The following SRCIN1 variants were observed in gnomAD, a reference collection of about 807,000 sequenced individuals.
SRCIN1 encodes SRC kinase signaling inhibitor 1.
In SRCIN1, 50 loss-of-function variants were observed where a neutral mutation model predicts 116.2. That is an observed-to-expected ratio of 0.43 (90% CI 0.34 to 0.54). The LOEUF (loss-of-function observed/expected upper bound fraction) is 0.54. Ranked by LOEUF, SRCIN1 falls within the 20% of genes least tolerant of loss-of-function variation. SRCIN1 has a pLI of 0.02. For synonymous variants in SRCIN1, 736 were observed against 750.0 expected, an observed-to-expected ratio of 0.98 and a Z score of 0.30; for missense variants, 1,446 against 1,672.0, an observed-to-expected ratio of 0.86 and a Z score of 2.36.
chr17:38,549,011 T>C (rs1319079582), intron 16 of SRCIN1, 45 bp downstream of exon 16: 1 of 1,607,258 alleles, frequency 6.2e-7, no homozygotes, highest in Non-Finnish European at 8.5e-7. Context: ...TGAGGCTTCA[T>C]CCTAACTCAG....
upstream of SRCIN1, chr17:38,606,003 G>T (rs1368523623): frequency 1.4e-5 from 2 of 142,330 alleles, no homozygotes; most frequent in Admixed American, 6.9e-5. The surrounding 1 kb of genome is among the most constrained non-coding windows in gnomAD (Gnocchi z 5.2). Flanking sequence ...GCGCGCGCGC[G>T]GCGCGGGCGC....
chr17:38,585,849 G>A lies in SRCIN1; in HGVS notation c.23-7058C>T, dbSNP rs1212125625. On this transcript the variant is annotated intron_variant, in intron 1 of 18. Transcript: ENST00000617146. The surrounding 1 kb of genome is among the most constrained non-coding windows in gnomAD (Gnocchi z 4.2). ...TGAGGGCGTGTGATGGGGGAAGGGC[G>A]ATGGGGGGAAGGAGGCAGCTGGACT... is the stretch of plus-strand genomic sequence containing the variant. 2.0e-5 allele frequency among the ~76,000 whole-genome samples: 3 copies of A among 152,142 alleles called. No individual in the cohort carries two copies. Among genetic ancestry groups the A allele is most frequent in the African/African-American group, 7.2e-5 (3 of 41,440 alleles).
At position 38,563,804 on chromosome 17, in the gene SRCIN1, G is replaced by T. The variant is rs967968918; in HGVS notation, c.542-283C>A. 6.6e-5 allele frequency: 43 copies of T among 646,846 alleles called. No individual in the cohort carries two copies. In the African/African-American group the frequency reaches 7.0e-4, roughly 10 times the overall value. The allele number at this position is 646,846 out of a possible 1,614,324, so 40.1% of individuals were successfully genotyped here. A position where few individuals can be genotyped will look rare whatever the true frequency, so the allele number is the denominator to read the frequency against. The stretch of plus-strand genomic sequence containing the variant: ...AGAGCAGGTGGGGCGGAAACTGAGG[G>T]GAAGTGAGCTGAGGGAGAGAGAGGT... On this transcript the variant is annotated intron_variant, in intron 4 of 18. Coordinates refer to ENST00000617146, the MANE Select transcript of SRCIN1 (RefSeq NM_025248.3). This position sits in a 1 kb window ranked among gnomAD's most constrained non-coding sequence, Gnocchi z 5.8.
intron 17 of SRCIN1, 45 bp downstream of exon 17, chr17:38,548,511 AG>A: frequency 1.9e-6 from 3 of 1,600,594 alleles, no homozygotes. Context: ...CTGGGAGGGA[AG>A]GGGGCCTGGC....
chr17:38,534,295 C>T (rs185649668), intron 18 of SRCIN1, among the ~76,000 whole-genome samples: 1 of 152,332 alleles, frequency 6.6e-6, no homozygotes, highest in African/African-American at 2.4e-5. Flanking sequence ...CTCTGGCATG[C>T]ATCGTGAATG....
intron 10 of SRCIN1, chr17:38,559,182 G>C (rs1906023676): frequency 8.3e-6 from 2 of 240,504 alleles, no homozygotes; most frequent in Non-Finnish European, 1.6e-5. Flanking sequence ...GGGAGGAGCT[G>C]AGAGGACTTG....
rs970452999 is a variant in SRCIN1 at position 38,585,996 on chromosome 17, C to G, written c.23-7205G>C. On this transcript the variant is annotated intron_variant, in intron 1 of 18. Coordinates refer to ENST00000617146, the MANE Select transcript of SRCIN1 (RefSeq NM_025248.3). The surrounding 1 kb of genome is among the most constrained non-coding windows in gnomAD (Gnocchi z 4.2). ...CCAGCCCCACCCCCTGAATGTCAGG[C>G]TCCACTTCAGGAGAGTCTGCCTGGA... is the stretch of plus-strand genomic sequence containing the variant. Among the ~76,000 whole-genome samples the G allele has an allele frequency of 1.3e-5, 2 of 152,150 alleles. No individual in the cohort carries two copies. The highest frequency in any genetic ancestry group is 4.8e-5 in the African/African-American group (2 of 41,408).
At chr17:38,578,021 C>T (rs1907520699) in intron 2 of SRCIN1, among the ~76,000 whole-genome samples, 1 of 152,106 alleles carries the variant, frequency 6.6e-6, no homozygotes, top group South Asian at 2.1e-4. Flanking sequence ...GGGGACACAT[C>T]GGACCCAGCC....
At position 38,604,885 on chromosome 17, in the gene SRCIN1, TG is replaced by T. The variant is rs1415365637; in HGVS notation, c.22+798del. On this transcript the variant is annotated intron_variant, in intron 1 of 18. Transcript: ENST00000617146. The surrounding 1 kb of genome is among the most constrained non-coding windows in gnomAD (Gnocchi z 4.3). Reference sequence around the variant, plus strand: ...ACTCACCCTAGATGCCCTCCCCAGCTGGGGGCGCCCTCCCCTGCCCCCTGGC... The same window carrying T: ...ACTCACCCTAGATGCCCTCCCCAGCTGGGGCGCCCTCCCCTGCCCCCTGGC... Among the ~76,000 whole-genome samples the T allele has an allele frequency of 7.1e-6, 1 of 140,538 alleles. No homozygotes were observed. Among genetic ancestry groups the T allele is most frequent in the African/African-American group, 2.7e-5 (1 of 36,888 alleles). The allele number at this position is 140,538 out of a possible 152,430, so 92.2% of individuals were successfully genotyped here.
At position 38,543,929 on chromosome 17, in the gene SRCIN1, G is replaced by A. The variant is rs748117292; in HGVS notation, c.3311C>T (p.Pro1104Leu). 6.9e-6 allele frequency: 11 copies of A among 1,598,108 alleles called. No homozygotes were observed. The highest frequency in any genetic ancestry group is 2.2e-5 in the East Asian group (1 of 44,646). Residue 1104 changes from proline to leucine, a missense_variant, in exon 18 of 19, where the codon CCG becomes CTG. By Grantham distance (98) the Pro-to-Leu change is moderately conservative. Transcript: ENST00000617146. ...GSVPPMKVVT[P>L]GASRLKAAQG... Reference sequence around the variant, plus strand: ...GGCCGCCTTCAGCCGAGAGGCCCCCGGAGTCACCACCTTCATGGGTGGTAC... The same window carrying A: ...GGCCGCCTTCAGCCGAGAGGCCCCCAGAGTCACCACCTTCATGGGTGGTAC...
At chr17:38,576,769 G>A (rs915455540) in intron 2 of SRCIN1, among the ~76,000 whole-genome samples, 23 of 151,192 alleles carry the variant, frequency 1.5e-4, no homozygotes, top group Non-Finnish European at 5.9e-5. Context: ...TGCCTTCTAG[G>A]TCCAGGCAGC....
In SRCIN1 at chr17:38,571,164, C is replaced by T. The variant is rs2429987; in HGVS notation, c.325-2933G>A. Among the ~76,000 whole-genome samples, 10 of 152,036 alleles carry T rather than the reference C, an allele frequency of 6.6e-5. No homozygotes were observed. The East Asian group carries it at 9.7e-4, about 15-fold the overall frequency. On this transcript the variant is annotated intron_variant, in intron 2 of 18. Coordinates refer to ENST00000617146, the MANE Select transcript of SRCIN1 (RefSeq NM_025248.3). The stretch of plus-strand genomic sequence containing the variant: ...GATTTTAACCCATGGGACAGACTAG[C>T]GTGACTGAGAGCAAAGGGCTCCTCT...
rs1465586125 is a variant in SRCIN1, at chr17:38,561,432, C to T, written c.1700+31G>A. The T allele has an allele frequency of 5.4e-6, 8 of 1,479,686 alleles. No homozygotes were observed. In the South Asian group the frequency reaches 9.5e-5, roughly 18 times the overall value. The allele number at this position is 1,479,686 out of a possible 1,614,324, so 91.7% of individuals were successfully genotyped here. ...CTCTCCGCAGCGCACCCCCCACCCC[C>T]AGTCCCTGAGGCCTGGTTAACGTCC... On this transcript the variant is annotated intron_variant, in intron 7 of 18. Transcript: ENST00000617146.
intron 2 of SRCIN1, among the ~76,000 whole-genome samples, chr17:38,575,524 C>T (rs956624055): frequency 2.0e-5 from 3 of 152,218 alleles, no homozygotes; most frequent in African/African-American, 4.8e-5. Flanking sequence ...GCTGGAATTA[C>T]AGGCGTGAGC....
chr17:38,541,266 T>C (rs2144895481), intron 18 of SRCIN1: 1 of 151,316 alleles, frequency 6.6e-6, no homozygotes, highest in Non-Finnish European at 1.5e-5. Context: ...TAAAATAAAA[T>C]AAAATAAAAT....
intron 15 of SRCIN1, among the ~76,000 whole-genome samples, chr17:38,550,234 T>G (rs758563700): frequency 6.6e-6 from 1 of 152,022 alleles, no homozygotes; most frequent in Non-Finnish European, 1.5e-5. Flanking sequence ...GTGGCTCAAG[T>G]CTGTAATCCC....
In SRCIN1 at chr17:38,586,857, C is replaced by T. The variant is rs575498022; in HGVS notation, c.23-8066G>A. Among the ~76,000 whole-genome samples the T allele has an allele frequency of 2.0e-5, 3 of 152,362 alleles. No homozygotes were observed. The South Asian group carries it at 6.2e-4, about 32-fold the overall frequency. On this transcript the variant is annotated intron_variant, in intron 1 of 18. Transcript: ENST00000617146. ...TCAGAATCTAATTAAAGGACCTCTT[C>T]GAGGCTGGGGGAAGGCACTGACACC...
At chr17:38,583,548 G>GTTTT (rs10691272) in intron 1 of SRCIN1, among the ~76,000 whole-genome samples, 69 of 104,230 alleles carry the variant, frequency 6.6e-4, no homozygotes, top group African/African-American at 8.1e-4. Flanking sequence ...TTCATTTTCT[G>GTTTT]TTTTTTTTTT....
In SRCIN1 at chr17:38,562,291, G is replaced by A. The variant is rs1906324546; in HGVS notation, c.872C>T (p.Thr291Met). 3 of 1,478,406 alleles carry A rather than the reference G, an allele frequency of 2.0e-6. No homozygotes were observed. Among genetic ancestry groups the A allele is most frequent in the Non-Finnish European group, 1.8e-6 (2 of 1,123,932 alleles). 91.6% of individuals were successfully genotyped at this position (1,478,406 alleles called of 1,614,324 possible). ...MVYASRESSP[T>M]RRLNNLSPAP... ...TGGTGACAGGTTGTTGAGGCGCCGC[G>A]TGGGCGAGGACTCCCGCGATGCGTA... The change falls in exon 7 of 19, where the codon ACG (threonine) becomes ATG (methionine). Residue 291 changes from threonine to methionine, a missense_variant. Coordinates refer to ENST00000617146, the MANE Select transcript of SRCIN1 (RefSeq NM_025248.3). This position sits in a 1 kb window ranked among gnomAD's most constrained non-coding sequence, Gnocchi z 4.2.
Sources: allele counts gnomAD v4.1 joint callset (sites outside exome capture counted in the v4.1 genomes callset), GRCh38; gene constraint gnomAD v4.1.1; non-coding constraint Gnocchi (gnomAD v3.1); transcripts MANE v1.5; gene names NCBI Gene and HGNC (gene_info 2026-07-23, HGNC 2026-07-21).